FGF9: variants seen among roughly 807,000 people sequenced by gnomAD.
FGF9 encodes the protein fibroblast growth factor 9, also known as fibroblast growth factor 9 (glia-activating factor).
A neutral mutation model predicts 19.9 loss-of-function variants in FGF9; 3 were observed. The ratio of observed to expected loss-of-function variants is 0.15; its 90% CI spans 0.07 to 0.39. The LOEUF (loss-of-function observed/expected upper bound fraction) is 0.39. FGF9 is among the 10% of genes least tolerant of loss of function. The probability of loss-of-function intolerance (pLI) is 1.00; values close to 1 mark genes in which losing one functional copy is unlikely to be tolerated. For missense variants in FGF9, 175 were observed against 256.8 expected, an observed-to-expected ratio of 0.68 and a Z score of 2.18; for synonymous variants, 107 against 106.9, an observed-to-expected ratio of 1.00 and a Z score of -0.01.
At position 21,672,360 on chromosome 13, in the gene FGF9, C is replaced by T. The variant is rs1211056548; in HGVS notation, c.277+171C>T. 2.6e-5 allele frequency among the ~76,000 whole-genome samples: 4 copies of T among 152,076 alleles called. No homozygotes were observed. The highest frequency in any genetic ancestry group is 4.4e-5 in the Non-Finnish European group (3 of 68,008). On this transcript the variant is annotated intron_variant, in intron 1 of 2. Coordinates refer to ENST00000382353, the MANE Select transcript of FGF9 (RefSeq NM_002010.3). This position sits in a 1 kb window ranked among gnomAD's most constrained non-coding sequence, Gnocchi z 4.2. ...TCTTGCCAGCTCCGAAAAAAAAATG[C>T]CTCCGGAATTGCAGATCTGCTGCTG...
Position 21,672,245 on chromosome 13 carries a change from T to C in FGF9, c.277+56T>C, listed in dbSNP as rs1254725780. ...TGAGATGACATGTTGAAATTATAAC[T>C]ACCAAGAAGGTGGTGGCCGGGTGGG... On this transcript the variant is annotated intron_variant, in intron 1 of 2. Transcript: ENST00000382353. The surrounding 1 kb of genome is among the most constrained non-coding windows in gnomAD (Gnocchi z 4.2). The C allele has an allele frequency of 2.5e-6, 4 of 1,600,134 alleles. No individual in the cohort carries two copies. In the African/African-American group the frequency reaches 5.4e-5, roughly 21 times the overall value.
chr13:21,695,360 A>G (rs546528423), intron 2 of FGF9, among the ~76,000 whole-genome samples: 2 of 152,168 alleles, frequency 1.3e-5, no homozygotes, highest in Non-Finnish European at 2.9e-5. Flanking sequence ...TTGTTCCCAC[A>G]ATTCTGGTGG....
At chr13:21,699,248 T>A (rs78177752) in intron 2 of FGF9, among the ~76,000 whole-genome samples, 1 of 152,318 alleles carries the variant, frequency 6.6e-6, no homozygotes, top group Admixed American at 6.5e-5. Context: ...GTATTCCAGT[T>A]TGGGGTGGGG....
intron 1 of FGF9, among the ~76,000 whole-genome samples, chr13:21,673,845 G>C (rs1250844425): frequency 4.6e-4 from 69 of 150,764 alleles, no homozygotes; most frequent in Non-Finnish European, 5.9e-5. Context: ...CGGTCGGCAG[G>C]TGCCCGCTCG....
intron 2 of FGF9, among the ~76,000 whole-genome samples, chr13:21,698,808 A>G (rs1390103797): frequency 6.6e-6 from 1 of 152,210 alleles, no homozygotes; most frequent in South Asian, 2.1e-4. Flanking sequence ...TGGAAAAAAG[A>G]AAGCTGACTT....
At position 21,672,940 on chromosome 13, in the gene FGF9, A is replaced by T. The variant is rs968478113; in HGVS notation, c.277+751A>T. ...GGTGTGAGTGTGTGCGCGCGTGCAAACGCTGCGAGCGAATTTTAAAGGGCA... is the reference window on the plus strand; with the variant it reads ...GGTGTGAGTGTGTGCGCGCGTGCAATCGCTGCGAGCGAATTTTAAAGGGCA... On this transcript the variant is annotated intron_variant, in intron 1 of 2. Coordinates refer to ENST00000382353, the MANE Select transcript of FGF9 (RefSeq NM_002010.3). The surrounding 1 kb of genome is among the most constrained non-coding windows in gnomAD (Gnocchi z 4.2). Among the ~76,000 whole-genome samples the T allele has an allele frequency of 1.3e-5, 2 of 152,108 alleles. No homozygotes were observed. The highest frequency in any genetic ancestry group is 2.9e-5 in the Non-Finnish European group (2 of 68,008).
Position 21,691,755 on chromosome 13 carries a change from T to G in FGF9, c.382-9435T>G, listed in dbSNP as rs931029525. On this transcript the variant is annotated intron_variant, in intron 2 of 2. Transcript: ENST00000382353. This position sits in a 1 kb window ranked among gnomAD's most constrained non-coding sequence, Gnocchi z 4.2. ...CCCCTCACCAGGGACTGACTTGAACTTGGTCAGAAACATCATTTGTCAGCC... is the reference window on the plus strand; with the variant it reads ...CCCCTCACCAGGGACTGACTTGAACGTGGTCAGAAACATCATTTGTCAGCC... 3.9e-5 allele frequency among the ~76,000 whole-genome samples: 6 copies of G among 152,204 alleles called. No homozygotes were observed. Among genetic ancestry groups the G allele is most frequent in the African/African-American group, 1.4e-4 (6 of 41,448 alleles).
At chr13:21,694,365 T>A (rs1454939622) in intron 2 of FGF9, among the ~76,000 whole-genome samples, 1 of 152,182 alleles carries the variant, frequency 6.6e-6, no homozygotes. Context: ...GTCTGGTACA[T>A]TAAAAAAAAT....
In FGF9 at chr13:21,691,637, C is replaced by G. The variant is rs562759888; in HGVS notation, c.382-9553C>G. Among the ~76,000 whole-genome samples the G allele has an allele frequency of 6.6e-6, 1 of 152,212 alleles. No homozygotes were observed. Among genetic ancestry groups the G allele is most frequent in the Non-Finnish European group, 1.5e-5 (1 of 68,044 alleles). On this transcript the variant is annotated intron_variant, in intron 2 of 2. Transcript: ENST00000382353. The surrounding 1 kb of genome is among the most constrained non-coding windows in gnomAD (Gnocchi z 4.2). ...GGGGCTGTCGTTCAGCGTCCTGGCC[C>G]GAGAGATGCCCTCCATCCTTACAAA...
At chr13:21,675,321 C>T (rs1405940601) in intron 1 of FGF9, among the ~76,000 whole-genome samples, 1 of 152,124 alleles carries the variant, frequency 6.6e-6, no homozygotes, top group African/African-American at 2.4e-5. Context: ...AGCAGTGCCG[C>T]GGTCTCCCGC....
chr13:21,699,526 G>A (rs780878410), intron 2 of FGF9, among the ~76,000 whole-genome samples: 10 of 152,174 alleles, frequency 6.6e-5, no homozygotes, highest in Non-Finnish European at 1.0e-4. Context: ...AGGGGACCTA[G>A]AGAAGGTGGC....
chr13:21,701,165 G>A (rs1344707864), intron 2 of FGF9, 25 bp from the exon 3 acceptor site: 12 of 1,606,610 alleles, frequency 7.5e-6, no homozygotes, highest in Non-Finnish European at 1.0e-5. Flanking sequence ...TTTTCCTAAT[G>A]CTCTCCCTCT....
intron 2 of FGF9, 187 bp downstream of exon 2, chr13:21,681,332 C>T (rs1020752281): frequency 2.0e-6 from 1 of 501,326 alleles, no homozygotes; most frequent in East Asian, 3.2e-5. Context: ...CTTCACTAGA[C>T]CAAAGTTGCT....
chr13:21,678,798 G>C (rs1189213644), intron 1 of FGF9, among the ~76,000 whole-genome samples: 1 of 152,164 alleles, frequency 6.6e-6, no homozygotes, highest in Non-Finnish European at 1.5e-5. Context: ...GACCTCAAAA[G>C]GGGCCAAATG....
intron 2 of FGF9, among the ~76,000 whole-genome samples, chr13:21,687,272 G>GGAT (rs1795120149): frequency 6.6e-6 from 1 of 152,158 alleles, no homozygotes; most frequent in Admixed American, 6.5e-5. Flanking sequence ...AGGTCCCTCT[G>GGAT]TCCCAGAATT....
At chr13:21,683,357 G>A (rs1363337996) in intron 2 of FGF9, among the ~76,000 whole-genome samples, 1 of 152,266 alleles carries the variant, frequency 6.6e-6, no homozygotes. Flanking sequence ...GGGACATTGA[G>A]TGTAGACCCA....
rs1481888079 is a variant in FGF9, at chr13:21,702,921, G to A, written c.*1486G>A. ...TCTCCACAAGCGCTCAATTTTTTTA[G>A]AGGGGATATTACTATATAGAATATC... On this transcript the variant is annotated 3_prime_UTR_variant, in exon 3 of 3. Coordinates refer to ENST00000382353, the MANE Select transcript of FGF9 (RefSeq NM_002010.3). 1.3e-5 allele frequency: 2 copies of A among 152,194 alleles called. No individual in the cohort carries two copies. Among genetic ancestry groups the A allele is most frequent in the Non-Finnish European group, 2.9e-5 (2 of 68,032 alleles). 9.4% of individuals were successfully genotyped at this position (152,194 alleles called of 1,614,324 possible).
At chr13:21,677,614 G>T (rs1871947124) in intron 1 of FGF9, among the ~76,000 whole-genome samples, 1 of 152,202 alleles carries the variant, frequency 6.6e-6, no homozygotes. Context: ...TCTGGTTGGG[G>T]TGGGATCCTG....
chr13:21,690,502 A>G (rs1011748301), intron 2 of FGF9, among the ~76,000 whole-genome samples: 2 of 152,100 alleles, frequency 1.3e-5, no homozygotes, highest in African/African-American at 2.4e-5. Flanking sequence ...TTCTTTCCCA[A>G]AGTCAACAAG....
Sources: gnomAD v4.1 joint callset for allele counts (sites outside exome capture counted in the v4.1 genomes callset) on GRCh38, gnomAD v4.1.1 for gene constraint, Gnocchi (gnomAD v3.1) non-coding constraint, MANE v1.5 for transcripts, NCBI Gene and HGNC (gene_info 2026-07-23, HGNC 2026-07-21) for gene names.